The following CLIC5 variants were observed in gnomAD, a reference collection of about 807,000 sequenced individuals.
CLIC5 encodes CLIC family member 5.
CLIC5 carries 20 observed loss-of-function variants against 24.7 expected under a neutral mutation model. The ratio of observed to expected loss-of-function variants is 0.81; its 90% CI spans 0.57 to 1.18. The LOEUF (loss-of-function observed/expected upper bound fraction) is 1.18, where lower values mean the gene tolerates loss of function less well. CLIC5 is among the 50% of genes most tolerant of loss of function. CLIC5 has a pLI of 0.00. For missense variants in CLIC5, 341 were observed against 326.1 expected (o/e 1.05, Z -0.35); for synonymous variants, 159 against 135.6 (o/e 1.17, Z -1.20).
intron 1 of CLIC5, among the ~76,000 whole-genome samples, chr6:45,996,308 C>G (rs2127428456): frequency 6.6e-6 from 1 of 152,156 alleles, no homozygotes; most frequent in Admixed American, 6.5e-5. Flanking sequence ...CCTGTTCACT[C>G]TGATGGTAGT....
chr6:45,957,120 A>G (rs1246374889), intron 1 of CLIC5, among the ~76,000 whole-genome samples: 1 of 152,112 alleles, frequency 6.6e-6, no homozygotes, highest in Non-Finnish European at 1.5e-5. Flanking sequence ...GCAAAAACAA[A>G]AACAGAAGCC....
At chr6:46,028,875 T>C (rs1356067682) in intron 1 of CLIC5, among the ~76,000 whole-genome samples, 1 of 152,186 alleles carries the variant, frequency 6.6e-6, no homozygotes, top group Non-Finnish European at 1.5e-5. Flanking sequence ...CATTCCATAG[T>C]TTTGGACAAA....
the CLIC5 span, among the ~76,000 whole-genome samples, chr6:46,104,832 T>TA: frequency 6.6e-6 from 1 of 152,304 alleles, no homozygotes; most frequent in Middle Eastern, 3.4e-3. Context: ...GAAACAAAGT[T>TA]AAAAGCCCTT....
chr6:45,983,224 G>A (rs773994874), intron 1 of CLIC5, among the ~76,000 whole-genome samples: 1 of 152,204 alleles, frequency 6.6e-6, no homozygotes, highest in Non-Finnish European at 1.5e-5. Flanking sequence ...GCAGCACAGG[G>A]AGGGAGGGTG....
intron 4 of CLIC5, chr6:45,914,610 C>T: frequency 9.6e-7 from 1 of 1,044,428 alleles, no homozygotes; most frequent in African/African-American, 1.6e-5. Context: ...CAAACTCTAA[C>T]CAAACAATAA....
intron 4 of CLIC5, among the ~76,000 whole-genome samples, chr6:45,935,675 A>T (rs1763905158): frequency 1.3e-5 from 2 of 152,066 alleles, no homozygotes; most frequent in South Asian, 4.2e-4. Context: ...GACCACGAGC[A>T]CTCTTCCCAT....
chr6:46,075,724 T>C (rs1762748575), intron 1 of CLIC5, among the ~76,000 whole-genome samples: 1 of 152,230 alleles, frequency 6.6e-6, no homozygotes, highest in Non-Finnish European at 1.5e-5. Context: ...CTTTCTTCCT[T>C]TGCATTAAAC....
intron 1 of CLIC5, among the ~76,000 whole-genome samples, chr6:46,079,376 G>T (rs1762859887): frequency 6.6e-6 from 1 of 152,236 alleles, no homozygotes; most frequent in South Asian, 2.1e-4. Flanking sequence ...TAACCAGACA[G>T]AAAAATGTAC....
chr6:46,108,468 C>T, the CLIC5 span, among the ~76,000 whole-genome samples: 2 of 151,704 alleles, frequency 1.3e-5, no homozygotes, highest in Non-Finnish European at 2.9e-5. Flanking sequence ...GCGGTCTTGG[C>T]TCACTGCAAC....
At chr6:45,951,664 G>A (rs1764471852) in intron 2 of CLIC5, among the ~76,000 whole-genome samples, 1 of 152,182 alleles carries the variant, frequency 6.6e-6, no homozygotes, top group Non-Finnish European at 1.5e-5. Context: ...GAGGGAAAAT[G>A]GTGGCGACTT....
chr6:45,997,737 C>A (rs560765988), intron 1 of CLIC5, among the ~76,000 whole-genome samples: 1 of 152,260 alleles, frequency 6.6e-6, no homozygotes, highest in African/African-American at 2.4e-5. Flanking sequence ...CAATTTCCTG[C>A]CAGATCATGG....
chr6:46,101,743 C>T, the CLIC5 span, among the ~76,000 whole-genome samples: 1 of 152,286 alleles, frequency 6.6e-6, no homozygotes, highest in South Asian at 2.1e-4. Context: ...TCTGTTGAAC[C>T]TAGTGCAGGG....
the CLIC5 span, among the ~76,000 whole-genome samples, chr6:46,127,395 G>A: frequency 6.6e-6 from 1 of 151,962 alleles, no homozygotes; most frequent in Admixed American, 6.6e-5. Context: ...AATAAGTTTA[G>A]ACTATTGCCT....
the CLIC5 span, among the ~76,000 whole-genome samples, chr6:46,103,358 A>T: frequency 0.13 from 20,077 of 152,186 alleles, 1,776 homozygotes; most frequent in South Asian, 0.33. Flanking sequence ...AAACAGAAGT[A>T]ACCCTGCAAA....
chr6:45,966,011 T>C (rs1194987293), intron 1 of CLIC5, among the ~76,000 whole-genome samples: 1 of 152,206 alleles, frequency 6.6e-6, no homozygotes, highest in Non-Finnish European at 1.5e-5. Context: ...TGCCCTTCTG[T>C]TCTGGTTGTC....
At chr6:45,937,079 T>A (rs1374854086) in intron 4 of CLIC5, among the ~76,000 whole-genome samples, 1 of 151,828 alleles carries the variant, frequency 6.6e-6, no homozygotes, top group Non-Finnish European at 1.5e-5. Flanking sequence ...AATGCAAGGC[T>A]GCTGAGGTAT....
intron 1 of CLIC5, among the ~76,000 whole-genome samples, chr6:46,058,848 G>A (rs1768337449): frequency 6.6e-6 from 1 of 152,196 alleles, no homozygotes; most frequent in Admixed American, 6.5e-5. Flanking sequence ...TAACAGGTTG[G>A]CAGAAGGAGC....
At chr6:45,914,648 A>C in intron 4 of CLIC5, 1 of 676,380 alleles carries the variant, frequency 1.5e-6, no homozygotes, top group Non-Finnish European at 2.0e-6. Context: ...GCTTTGAAAA[A>C]AATACATAAA....
intron 1 of CLIC5, among the ~76,000 whole-genome samples, chr6:46,028,636 T>C (rs1391741259): frequency 6.6e-6 from 1 of 151,692 alleles, no homozygotes; most frequent in East Asian, 1.9e-4. Flanking sequence ...TCTCCCTCTC[T>C]CTCTATTAGA....
Sources: gnomAD v4.1 joint callset for allele counts (sites outside exome capture counted in the v4.1 genomes callset) on GRCh38, gnomAD v4.1.1 for gene constraint, MANE v1.5 for transcripts, NCBI Gene and HGNC (gene_info 2026-07-23, HGNC 2026-07-21) for gene names.